The following PRH1 variants were observed in gnomAD, a reference collection of about 807,000 sequenced individuals.
The protein encoded by PRH1 is salivary acidic proline-rich phosphoprotein 1/2.
Under a neutral mutation model 7.9 loss-of-function variants are expected in PRH1, and 7 were observed. That is an observed-to-expected ratio of 0.89 (90% CI 0.50 to 1.67). PRH1 has a LOEUF of 1.67. Among genes scored for constraint, PRH1 ranks in the 40% most tolerant of loss-of-function variants. PRH1 has a pLI of 0.00. For missense variants in PRH1, 109 were observed against 223.6 expected, an observed-to-expected ratio of 0.49 and a Z score of 3.27; for synonymous variants, 45 against 80.8, an observed-to-expected ratio of 0.56 and a Z score of 2.38.
chr12:11,075,699 T>C, intron 1 of PRH1, among the ~76,000 whole-genome samples: 1 of 124,230 alleles, frequency 8.0e-6, no homozygotes, highest in African/African-American at 2.7e-5. Flanking sequence ...GCATCAAAGC[T>C]ATATTACAGT....
At chr12:11,102,770 A>G (rs1945294860) in intron 1 of PRH1, among the ~76,000 whole-genome samples, 1 of 152,214 alleles carries the variant, frequency 6.6e-6, no homozygotes, top group Admixed American at 6.5e-5. Context: ...ACAGAAGGAG[A>G]AAATTTTTAC....
chr12:10,990,223 C>G (rs1939865352), intron 1 of PRH1, among the ~76,000 whole-genome samples: 1 of 152,148 alleles, frequency 6.6e-6, no homozygotes, highest in Admixed American at 6.5e-5. Flanking sequence ...GGGGAAAGGA[C>G]AGTCTCTTCA....
intron 1 of PRH1, among the ~76,000 whole-genome samples, chr12:11,095,707 G>A (rs1945055956): frequency 1.8e-5 from 2 of 113,584 alleles, no homozygotes; most frequent in South Asian, 2.4e-4. Context: ...CAAGGCTGAG[G>A]TGGGAGGATG....
upstream of PRH1, among the ~76,000 whole-genome samples, chr12:10,888,961 C>T (rs1465177955): frequency 6.6e-6 from 1 of 152,170 alleles, no homozygotes; most frequent in African/African-American, 2.4e-5. Flanking sequence ...CCTAGAGGCT[C>T]TAGAGAAGAA....
intron 2 of PRH1, among the ~76,000 whole-genome samples, chr12:10,894,270 A>G (rs1949614803): frequency 6.6e-6 from 1 of 152,182 alleles, no homozygotes; most frequent in East Asian, 1.9e-4. Context: ...AAAGATTCAG[A>G]TTCTACAGTA....
At chr12:10,978,858 CACA>C (rs373631821) in intron 1 of PRH1, among the ~76,000 whole-genome samples, 2 of 151,860 alleles carry the variant, frequency 1.3e-5, no homozygotes, top group African/African-American at 4.8e-5. Flanking sequence ...AAATCAAAAC[CACA>C]ACGAGATAAC....
intron 1 of PRH1, among the ~76,000 whole-genome samples, chr12:11,101,799 C>A (rs190967048): frequency 1.3e-5 from 2 of 152,256 alleles, no homozygotes; most frequent in East Asian, 1.9e-4. Context: ...AAAACCTAAT[C>A]TTCTCTGCCC....
intron 1 of PRH1, among the ~76,000 whole-genome samples, chr12:11,137,757 A>G (rs951541258): frequency 2.6e-5 from 4 of 152,222 alleles, no homozygotes; most frequent in African/African-American, 9.6e-5. Context: ...TCCAATAATT[A>G]TGATCTTTTT....
At position 11,007,168 on chromosome 12, in the gene PRH1, A is replaced by G. The variant is rs564082207; in HGVS notation, c.-125-33447T>C. Among the ~76,000 whole-genome samples, 3 of 152,250 alleles carry G rather than the reference A, an allele frequency of 2.0e-5. No individual in the cohort carries two copies. The East Asian group carries it at 5.8e-4, about 29-fold the overall frequency. The stretch of plus-strand genomic sequence containing the variant: ...TTTTTAATGCTAGATTTAAATATAC[A>G]GAACCCAAACCTTTTATCAAAATCA... On this transcript the variant is annotated intron_variant, in intron 1 of 3. Coordinates refer to the PRH1 transcript ENST00000539853.
chr12:11,022,294 T>C, intron 1 of PRH1: 2 of 1,614,170 alleles, frequency 1.2e-6, no homozygotes, highest in South Asian at 1.1e-5. Context: ...CATGCTGAAA[T>C]GGTTCGTTAC....
intron 1 of PRH1, among the ~76,000 whole-genome samples, chr12:11,080,141 T>A (rs1450910087): frequency 7.5e-6 from 1 of 132,454 alleles, no homozygotes; most frequent in Non-Finnish European, 1.7e-5. Flanking sequence ...ATCATCTTTT[T>A]TTAAATTTTC....
Position 11,128,043 on chromosome 12 carries a change from G to C in PRH1, n.40-6863C>G, listed in dbSNP as rs1047935092. 1.4e-5 allele frequency among the ~76,000 whole-genome samples: 2 copies of C among 146,886 alleles called. 1 individual carries two copies. Among genetic ancestry groups the C allele is most frequent in the South Asian group, 4.2e-4 (2 of 4,720 alleles). ...AGAGAATGGTGTGAACCCAGGAGGCGGAGCTTGCAGTGAGCCGAGATGGCG... is the reference window on the plus strand; with the variant it reads ...AGAGAATGGTGTGAACCCAGGAGGCCGAGCTTGCAGTGAGCCGAGATGGCG... On this transcript the variant is annotated intron_variant and non_coding_transcript_variant, in intron 1 of 1. Coordinates refer to the PRH1 transcript ENST00000541175.
intron 2 of PRH1, among the ~76,000 whole-genome samples, chr12:10,945,531 A>G (rs996886073): frequency 3.9e-5 from 6 of 152,146 alleles, no homozygotes; most frequent in Non-Finnish European, 7.3e-5. Flanking sequence ...CAGAGATCAC[A>G]TGCTTCACTA....
intron 1 of PRH1, chr12:10,986,704 C>T: frequency 1.2e-6 from 2 of 1,612,448 alleles, no homozygotes; most frequent in East Asian, 2.2e-5. Context: ...ATTCTGGAGA[C>T]CGCCAGAGCA....
intron 1 of PRH1, chr12:11,165,997 C>T (rs550417124): frequency 3.3e-4 from 50 of 152,348 alleles, no homozygotes; most frequent in African/African-American, 1.2e-3. Flanking sequence ...CTGCCCCTGT[C>T]TACGTACCTT....
At chr12:10,968,665 A>G (rs945919345) in intron 2 of PRH1, among the ~76,000 whole-genome samples, 1 of 152,240 alleles carries the variant, frequency 6.6e-6, no homozygotes, top group Non-Finnish European at 1.5e-5. Flanking sequence ...CGCTAGAACC[A>G]GCCAGCTGCT....
In PRH1 at chr12:11,085,260, T is replaced by G. The variant is rs539727866; in HGVS notation, n.124-38072A>C. ...AAATGACTTTGAGAAATATGATTTG[T>G]TAACAGCATACTGTAAGGCAAATTT... On this transcript the variant is annotated intron_variant and non_coding_transcript_variant, in intron 1 of 4. Transcript: ENST00000541977. Among the ~76,000 whole-genome samples, 29 of 151,322 alleles carry G rather than the reference T, an allele frequency of 1.9e-4. No homozygotes were observed. In the South Asian group the frequency reaches 6.0e-3, roughly 31 times the overall value.
At chr12:11,149,665 A>T (rs1481924251) in intron 1 of PRH1, among the ~76,000 whole-genome samples, 3 of 142,950 alleles carry the variant, frequency 2.1e-5, no homozygotes, top group African/African-American at 7.7e-5. Flanking sequence ...TACAAAAATT[A>T]ATTCAAGATG....
chr12:11,004,005 T>G (rs981832266), intron 1 of PRH1, among the ~76,000 whole-genome samples: 1 of 150,376 alleles, frequency 6.6e-6, no homozygotes, highest in Non-Finnish European at 1.5e-5. Flanking sequence ...GATATATACT[T>G]GTATATGTAT....
Sources: gnomAD v4.1 joint callset for allele counts (sites outside exome capture counted in the v4.1 genomes callset) on GRCh38, gnomAD v4.1.1 for gene constraint, MANE v1.5 for transcripts, NCBI Gene and HGNC (gene_info 2026-07-23, HGNC 2026-07-21) for gene names.